The following AGBL1 variants were observed in gnomAD, a reference collection of about 807,000 sequenced individuals.
AGBL1 encodes AGBL carboxypeptidase 1.
AGBL1 carries 130 observed loss-of-function variants against 118.9 expected under a neutral mutation model. That is an observed-to-expected ratio of 1.09 (90% CI 0.95 to 1.26). The LOEUF (loss-of-function observed/expected upper bound fraction) is 1.26, where lower values mean the gene tolerates loss of function less well. AGBL1 is among the 50% of genes most tolerant of loss of function. The pLI is 0.00. For synonymous variants in AGBL1, 555 were observed against 478.9 expected (o/e 1.16, Z -2.08); for missense variants, 1,584 against 1,298.1 (o/e 1.22, Z -3.38).
chr15:86,497,933 C>T (rs972810763), intron 18 of AGBL1, among the ~76,000 whole-genome samples: 1 of 151,876 alleles, frequency 6.6e-6, no homozygotes, highest in Non-Finnish European at 1.5e-5. Flanking sequence ...TATCATCCTC[C>T]TTTGCTATTT....
intron 17 of AGBL1, among the ~76,000 whole-genome samples, chr15:86,380,603 G>A (rs916432676): frequency 7.5e-6 from 1 of 133,904 alleles, no homozygotes; most frequent in Non-Finnish European, 1.5e-5. Context: ...ATATTCATCC[G>A]TCTGTGTCAT....
At chr15:86,789,205 G>A (rs1545500) in intron 22 of AGBL1, among the ~76,000 whole-genome samples, 58,734 of 152,134 alleles carry the variant, frequency 0.39, 13,257 homozygotes, top group Non-Finnish European at 0.53. Flanking sequence ...GTACACTTGT[G>A]CTCCTAATCT....
chr15:86,941,593 G>A (rs909206712), intron 23 of AGBL1, among the ~76,000 whole-genome samples: 2 of 152,176 alleles, frequency 1.3e-5, no homozygotes, highest in African/African-American at 4.8e-5. Flanking sequence ...TGTATATAGA[G>A]ATAATATACG....
intron 17 of AGBL1, among the ~76,000 whole-genome samples, chr15:86,387,197 A>T (rs1395290750): frequency 1.3e-5 from 2 of 152,174 alleles, no homozygotes; most frequent in African/African-American, 4.8e-5. Flanking sequence ...CATCAAGAAA[A>T]GCTTCAGGTG....
intron 1 of AGBL1, among the ~76,000 whole-genome samples, chr15:86,081,088 G>A (rs1895249616): frequency 6.6e-6 from 1 of 152,186 alleles, no homozygotes; most frequent in Non-Finnish European, 1.5e-5. Flanking sequence ...CTGTCGCCCA[G>A]GCTGGAGTGC....
chr15:86,121,044 G>A (rs1392693715), intron 1 of AGBL1, among the ~76,000 whole-genome samples: 1 of 151,918 alleles, frequency 6.6e-6, no homozygotes, highest in African/African-American at 2.4e-5. Context: ...CTACAGGCAT[G>A]TGCCACCATG....
intron 22 of AGBL1, among the ~76,000 whole-genome samples, chr15:86,688,776 ATATATC>A (rs1358850398): frequency 6.6e-6 from 1 of 152,148 alleles, no homozygotes; most frequent in Non-Finnish European, 1.5e-5. Context: ...TGGCATATCT[ATATATC>A]TATATATATG....
intron 5 of AGBL1, among the ~76,000 whole-genome samples, chr15:86,194,891 T>C (rs1371086724): frequency 1.3e-5 from 2 of 152,186 alleles, no homozygotes; most frequent in Non-Finnish European, 1.5e-5. Flanking sequence ...ATTTCTACAA[T>C]TTGTCATTTA....
At chr15:86,098,622 C>A (rs970328160) in intron 1 of AGBL1, among the ~76,000 whole-genome samples, 2 of 152,068 alleles carry the variant, frequency 1.3e-5, no homozygotes, top group African/African-American at 4.8e-5. Context: ...CAGTTGGCTG[C>A]AAATATGTGG....
chr15:86,475,099 G>A (rs1272764208), intron 18 of AGBL1, among the ~76,000 whole-genome samples: 2 of 150,960 alleles, frequency 1.3e-5, no homozygotes, highest in East Asian at 1.9e-4. Flanking sequence ...AAGACCAAAG[G>A]CAGATAAAAC....
intron 22 of AGBL1, among the ~76,000 whole-genome samples, chr15:86,842,480 A>G (rs1032541434): frequency 6.6e-6 from 1 of 152,196 alleles, no homozygotes; most frequent in African/African-American, 2.4e-5. Context: ...TTTCAGTGTA[A>G]TTAAGAGATT....
intron 22 of AGBL1, among the ~76,000 whole-genome samples, chr15:86,856,133 C>G (rs915232297): frequency 2.0e-5 from 3 of 152,278 alleles, no homozygotes; most frequent in Admixed American, 1.3e-4. Context: ...GCAGGCAGGC[C>G]GACTGTCTTT....
At chr15:86,554,574 A>C in intron 21 of AGBL1, 37 bp downstream of exon 21, 1 of 1,421,852 alleles carries the variant, frequency 7.0e-7, no homozygotes, top group Non-Finnish European at 9.2e-7. Context: ...CTTTCTGTCC[A>C]GCAACAATAC....
At chr15:86,757,867 A>T (rs192708748) in intron 22 of AGBL1, among the ~76,000 whole-genome samples, 79 of 152,234 alleles carry the variant, frequency 5.2e-4, no homozygotes, top group Non-Finnish European at 9.0e-4. Flanking sequence ...GAAAACCCAG[A>T]TTCTCTGAAT....
chr15:86,691,410 A>G (rs970515079), intron 22 of AGBL1, among the ~76,000 whole-genome samples: 4 of 152,148 alleles, frequency 2.6e-5, no homozygotes, highest in Admixed American at 1.3e-4. Flanking sequence ...GAATCATTTT[A>G]CATAGTGCCA....
Position 86,914,480 on chromosome 15 carries a change from C to T in AGBL1, c.*7186C>T, listed in dbSNP as rs1471507701. 1.3e-5 allele frequency: 2 copies of T among 152,138 alleles called. No homozygotes were observed. Among genetic ancestry groups the T allele is most frequent in the Admixed American group, 6.5e-5 (1 of 15,286 alleles). 9.4% of individuals were successfully genotyped at this position (152,138 alleles called of 1,614,324 possible). ...TCTGTTCCCGGGGAAATCTGACTTC[C>T]TAACTCATGCTCCCTCCACTTCCCC... On this transcript the variant is annotated 3_prime_UTR_variant, in exon 23 of 23. Transcript: ENST00000614907.
intron 24 of AGBL1, among the ~76,000 whole-genome samples, chr15:86,994,440 A>AAG (rs968297800): frequency 6.6e-6 from 1 of 151,974 alleles, no homozygotes; most frequent in Non-Finnish European, 1.5e-5. Flanking sequence ...ATAGTTAGAA[A>AAG]AGAGAGAGAG....
chr15:86,641,405 AT>A (rs142985515), intron 21 of AGBL1, among the ~76,000 whole-genome samples: 17 of 151,186 alleles, frequency 1.1e-4, no homozygotes, highest in Admixed American at 2.6e-4. Flanking sequence ...CTACCACTCA[AT>A]TTTTTTTAAA....
chr15:86,581,359 C>G (rs1009818220), intron 21 of AGBL1, among the ~76,000 whole-genome samples: 35 of 152,214 alleles, frequency 2.3e-4, no homozygotes, highest in African/African-American at 8.2e-4. Context: ...TTACTTTCCC[C>G]TCCTCCCCCA....
Sources: gnomAD v4.1 joint callset for allele counts (sites outside exome capture counted in the v4.1 genomes callset) on GRCh38, gnomAD v4.1.1 for gene constraint, MANE v1.5 for transcripts, NCBI Gene and HGNC (gene_info 2026-07-23, HGNC 2026-07-21) for gene names.